KAT2B: variants seen among roughly 807,000 people sequenced by gnomAD.
The protein encoded by KAT2B is lysine acetyltransferase 2B.
KAT2B carries 36 observed loss-of-function variants against 105.9 expected under a neutral mutation model. The observed-to-expected ratio is 0.34, with a 90% CI of 0.26 to 0.45. The LOEUF (loss-of-function observed/expected upper bound fraction) is 0.45, where lower values mean the gene tolerates loss of function less well. KAT2B is among the 20% of genes least tolerant of loss of function. KAT2B has a pLI of 1.00. For missense variants in KAT2B, 820 were observed against 1,021.6 expected (o/e 0.80, Z 2.69); for synonymous variants, 397 against 377.9 (o/e 1.05, Z -0.59).
intron 13 of KAT2B, among the ~76,000 whole-genome samples, chr3:20,144,733 A>T (rs1699756117): frequency 6.6e-6 from 1 of 151,656 alleles, no homozygotes; most frequent in East Asian, 1.9e-4. Flanking sequence ...AGGACTTGAT[A>T]TGTGGTTAGT....
rs1699902061 is a variant in KAT2B, at chr3:20,153,474, C to G, written c.*949C>G. ...GCCACGCTGATAATATGCAAATGAA[C>G]ATTTTCCTTTATGTCTCTCCAGATA... On this transcript the variant is annotated 3_prime_UTR_variant, in exon 18 of 18. Coordinates refer to ENST00000263754, the MANE Select transcript of KAT2B (RefSeq NM_003884.5). The G allele has an allele frequency of 6.6e-6, 1 of 152,528 alleles. No individual in the cohort carries two copies. The highest frequency in any genetic ancestry group is 1.5e-5 in the Non-Finnish European group (1 of 67,974). 9.4% of individuals were successfully genotyped at this position (152,528 alleles called of 1,614,324 possible).
chr3:20,132,506 G>C (rs1699528513), intron 11 of KAT2B, among the ~76,000 whole-genome samples: 1 of 152,184 alleles, frequency 6.6e-6, no homozygotes, highest in South Asian at 2.1e-4. Flanking sequence ...TTTGATGGCA[G>C]GTAAAAATAA....
intron 13 of KAT2B, among the ~76,000 whole-genome samples, chr3:20,140,920 A>G (rs1197347067): frequency 6.6e-6 from 1 of 151,534 alleles, no homozygotes. Flanking sequence ...ATATGGTGAC[A>G]TATTTTAACT....
intron 2 of KAT2B, among the ~76,000 whole-genome samples, chr3:20,080,892 CCTG>C (rs1435075979): frequency 2.4e-4 from 36 of 152,102 alleles, no homozygotes; most frequent in Admixed American, 2.2e-3. Flanking sequence ...ATGAATTTCA[CCTG>C]CTTCTTTTGT....
At chr3:20,044,088 A>G (rs1697764617) in intron 1 of KAT2B, among the ~76,000 whole-genome samples, 1 of 151,966 alleles carries the variant, frequency 6.6e-6, no homozygotes, top group Non-Finnish European at 1.5e-5. Flanking sequence ...AAAAGAAAAA[A>G]GAAAAGAAAC....
chr3:20,057,422 T>C (rs1698020555), intron 1 of KAT2B, among the ~76,000 whole-genome samples: 1 of 152,112 alleles, frequency 6.6e-6, no homozygotes, highest in Non-Finnish European at 1.5e-5. Context: ...AAACAACGTA[T>C]AAGGCACTAC....
intron 11 of KAT2B, among the ~76,000 whole-genome samples, chr3:20,134,713 G>A (rs989312640): frequency 3.9e-5 from 6 of 152,036 alleles, no homozygotes; most frequent in East Asian, 1.9e-4. Context: ...ATAGGCCACC[G>A]CGCCCAGCCC....
At chr3:20,066,706 A>G (rs1698228616) in intron 1 of KAT2B, among the ~76,000 whole-genome samples, 1 of 151,924 alleles carries the variant, frequency 6.6e-6, no homozygotes, top group South Asian at 2.1e-4. Context: ...TGGCTGGGAC[A>G]TGAACTTTAG....
chr3:20,114,785 T>C, intron 6 of KAT2B, 97 bp from the exon 7 acceptor site: 1 of 662,432 alleles, frequency 1.5e-6, no homozygotes, highest in Admixed American at 2.7e-5. Flanking sequence ...ATTGAAGGTT[T>C]GAGACGCTGA....
In KAT2B at chr3:20,064,725, G is replaced by C. The variant is rs75473972; in HGVS notation, c.304-7608G>C. The stretch of plus-strand genomic sequence containing the variant: ...ATAATTCATACTTTACTTACATCGA[G>C]TGAGATAAGAGTACATGTACATTTT... On this transcript the variant is annotated intron_variant, in intron 1 of 17. Transcript: ENST00000263754. Among the ~76,000 whole-genome samples, 16 of 152,302 alleles carry C rather than the reference G, an allele frequency of 1.1e-4. No homozygotes were observed. In the East Asian group the frequency reaches 2.7e-3, roughly 26 times the overall value.
chr3:20,048,165 T>C (rs1040116914), intron 1 of KAT2B, among the ~76,000 whole-genome samples: 6 of 152,060 alleles, frequency 3.9e-5, no homozygotes, highest in African/African-American at 1.4e-4. Flanking sequence ...AAGCCAAGCA[T>C]ACAAAGGAAA....
chr3:20,099,790 A>AAG (rs759923486), intron 3 of KAT2B, 72 bp from the exon 4 acceptor site: 3 of 740,016 alleles, frequency 4.1e-6, no homozygotes, highest in Non-Finnish European at 7.1e-6. Context: ...ACAGAAACAG[A>AAG]AGAGAGAGGA....
chr3:20,152,563 A>C lies in KAT2B; in HGVS notation c.*38A>C. ...TCTGCTTCTTAGAAACTCACCAAGC[A>C]GTGTGCCTAAAGCAAGGTGGTTTAG... On this transcript the variant is annotated 3_prime_UTR_variant, in exon 18 of 18. Transcript: ENST00000263754. 6.5e-7 allele frequency: 1 copy of C among 1,541,096 alleles called. No individual in the cohort carries two copies. Among genetic ancestry groups the C allele is most frequent in the Non-Finnish European group, 8.9e-7 (1 of 1,118,384 alleles).
In KAT2B at chr3:20,112,467, A is replaced by T. The variant is rs187769328; in HGVS notation, c.1043+680A>T. ...CAATAGAAAGTTGCAGTGCTGCACC[A>T]TTGGCCTTGGAAATGCATTTTTAAT... is the stretch of plus-strand genomic sequence containing the variant. On this transcript the variant is annotated intron_variant, in intron 6 of 17. Coordinates refer to ENST00000263754, the MANE Select transcript of KAT2B (RefSeq NM_003884.5). Among the ~76,000 whole-genome samples the T allele has an allele frequency of 2.6e-5, 4 of 152,364 alleles. No homozygotes were observed. The East Asian group carries it at 7.7e-4, about 29-fold the overall frequency.
In KAT2B at chr3:20,040,786, C is replaced by G. The variant is rs780263030; in HGVS notation, c.303+6C>G. 2.5e-6 allele frequency: 4 copies of G among 1,584,762 alleles called. No homozygotes were observed. The highest frequency in any genetic ancestry group is 3.4e-6 in the Non-Finnish European group (4 of 1,169,732). ...GAGTGTACTCCGCCTGCAAGGTACG[C>G]GCTCGCCGCTCTCGGACCGCGGATG... is the stretch of plus-strand genomic sequence containing the variant. On this transcript the variant is annotated splice_donor_region_variant and intron_variant, in intron 1 of 17. Coordinates refer to ENST00000263754, the MANE Select transcript of KAT2B (RefSeq NM_003884.5).
chr3:20,140,383 C>A lies in KAT2B; in HGVS notation c.2004+19C>A. On this transcript the variant is annotated intron_variant, in intron 13 of 17. Coordinates refer to ENST00000263754, the MANE Select transcript of KAT2B (RefSeq NM_003884.5). Reference sequence around the variant, plus strand: ...GAAGGAGGTAAGCAGGTGGTTGACTCCCTTACCTTCTGTACAGGCCAGTCT... The same window carrying A: ...GAAGGAGGTAAGCAGGTGGTTGACTACCTTACCTTCTGTACAGGCCAGTCT... 6.2e-7 allele frequency: 1 copy of A among 1,612,730 alleles called. No individual in the cohort carries two copies. Among genetic ancestry groups the A allele is most frequent in the Non-Finnish European group, 8.5e-7 (1 of 1,179,706 alleles).
At chr3:20,040,802 A>T in intron 1 of KAT2B, 22 bp downstream of exon 1, 1 of 1,576,470 alleles carries the variant, frequency 6.3e-7, no homozygotes, top group South Asian at 1.1e-5. Context: ...CCGCTCTCGG[A>T]CCGCGGATGG....
intron 1 of KAT2B, among the ~76,000 whole-genome samples, chr3:20,071,009 T>A (rs7640713): frequency 0.96 from 143,297 of 149,128 alleles, 68,882 homozygotes; most frequent in East Asian, 1. Flanking sequence ...ACTCTGTATA[T>A]AAAAAAAAAA....
chr3:20,043,367 G>C (rs549411762), intron 1 of KAT2B, among the ~76,000 whole-genome samples: 1 of 152,322 alleles, frequency 6.6e-6, no homozygotes, highest in Admixed American at 6.5e-5. Flanking sequence ...GTATGCATGT[G>C]TTGGGGGCCT....
Sources: allele counts gnomAD v4.1 joint callset (sites outside exome capture counted in the v4.1 genomes callset), GRCh38; gene constraint gnomAD v4.1.1; transcripts MANE v1.5; gene names NCBI Gene and HGNC (gene_info 2026-07-23, HGNC 2026-07-21).